PLA2G5: variants seen among roughly 807,000 people sequenced by gnomAD.
PLA2G5 encodes Ca2+-dependent phospholipase A2.
Under a neutral mutation model 15.9 loss-of-function variants are expected in PLA2G5, and 12 were observed. The ratio of observed to expected loss-of-function variants is 0.76; its 90% CI spans 0.48 to 1.23. The LOEUF (loss-of-function observed/expected upper bound fraction) is 1.23. Among genes scored for constraint, PLA2G5 ranks in the 50% most tolerant of loss-of-function variants. The pLI is 0.00. For synonymous variants in PLA2G5, 71 were observed against 71.4 expected (o/e 0.99, Z 0.03); for missense variants, 169 against 177.1 (o/e 0.95, Z 0.26).
At chr1:20,058,826 A>G (rs1000554661) in intron 1 of PLA2G5, among the ~76,000 whole-genome samples, 1 of 152,156 alleles carries the variant, frequency 6.6e-6, no homozygotes, top group African/African-American at 2.4e-5. Context: ...TAGCCAAGTG[A>G]GGAATGCCTT....
intron 1 of PLA2G5, among the ~76,000 whole-genome samples, chr1:20,030,066 C>T (rs543725162): frequency 2.6e-5 from 4 of 152,268 alleles, no homozygotes; most frequent in South Asian, 2.1e-4. Flanking sequence ...GGCTATTTCT[C>T]GTCAGGTGGG....
chr1:20,078,935 C>A (rs901458580), intron 1 of PLA2G5, among the ~76,000 whole-genome samples: 1 of 151,336 alleles, frequency 6.6e-6, no homozygotes, highest in Non-Finnish European at 1.5e-5. Context: ...GGTGGGACCC[C>A]GACTCTATAA....
intron 1 of PLA2G5, chr1:20,059,615 A>G (rs1293260437): frequency 6.6e-6 from 1 of 152,176 alleles, no homozygotes; most frequent in Non-Finnish European, 1.5e-5. Flanking sequence ...CTCAACATCT[A>G]TTTCATCTCC....
chr1:20,090,490 C>T, intron 4 of PLA2G5, 78 bp from the exon 5 acceptor site: 1 of 1,476,252 alleles, frequency 6.8e-7, no homozygotes, highest in Non-Finnish European at 9.5e-7. Context: ...CTCCTCGGAG[C>T]AGGAAGTCCA....
intron 2 of PLA2G5, 71 bp from the exon 3 acceptor site, chr1:20,086,012 A>G: frequency 6.6e-7 from 1 of 1,518,762 alleles, no homozygotes; most frequent in Non-Finnish European, 9.1e-7. Context: ...AGGGTAGGAG[A>G]TGTTGGGCAG....
intron 3 of PLA2G5, among the ~76,000 whole-genome samples, chr1:20,089,319 A>C (rs1462936099): frequency 1.3e-5 from 2 of 152,360 alleles, no homozygotes; most frequent in South Asian, 4.1e-4. Flanking sequence ...TTTCTGGATC[A>C]CATAACAGTT....
chr1:20,090,818 G>A lies in PLA2G5; in HGVS notation c.*126G>A. 2 of 1,012,534 alleles carry A rather than the reference G, an allele frequency of 2.0e-6. No homozygotes were observed. Among genetic ancestry groups the A allele is most frequent in the Admixed American group, 1.9e-5 (1 of 53,092 alleles). 62.7% of individuals were successfully genotyped at this position (1,012,534 alleles called of 1,614,324 possible). A position where few individuals can be genotyped will look rare whatever the true frequency, so the allele number is the denominator to read the frequency against. ...CAGACCTCAGTCTTTCTCGAAGCTT[G>A]GCGGACCCCCAGGGCCACACTGTAC... is the stretch of plus-strand genomic sequence containing the variant. On this transcript the variant is annotated 3_prime_UTR_variant, in exon 5 of 5. Coordinates refer to ENST00000375108, the MANE Select transcript of PLA2G5 (RefSeq NM_000929.3).
chr1:20,065,069 G>A lies in PLA2G5; in HGVS notation n.338-3804G>A, dbSNP rs900405468. On this transcript the variant is annotated intron_variant and non_coding_transcript_variant, in intron 2 of 6. Transcript: ENST00000460175. The stretch of plus-strand genomic sequence containing the variant: ...TGCTTGCATTGTAATGAGAATGCAC[G>A]CAATAACTTCAGGACATTTATGACA... Among the ~76,000 whole-genome samples the A allele has an allele frequency of 1.2e-4, 19 of 152,132 alleles. 1 individual carries two copies. Among genetic ancestry groups the A allele is most frequent in the South Asian group, 4.2e-4 (2 of 4,818 alleles).
intron 1 of PLA2G5, among the ~76,000 whole-genome samples, chr1:20,037,754 A>G (rs1252158972): frequency 6.6e-6 from 1 of 152,134 alleles, no homozygotes; most frequent in Non-Finnish European, 1.5e-5. Flanking sequence ...AGTTTGCCCT[A>G]AGGTTGCCTA....
chr1:20,069,225 A>G (rs1330775738), upstream of PLA2G5, among the ~76,000 whole-genome samples: 1 of 152,226 alleles, frequency 6.6e-6, no homozygotes, highest in East Asian at 1.9e-4. Context: ...GGTAACGTTG[A>G]AAATGTGCAT....
chr1:20,069,716 A>T (rs1236937110), upstream of PLA2G5, among the ~76,000 whole-genome samples: 2 of 144,792 alleles, frequency 1.4e-5, no homozygotes, highest in Admixed American at 7.0e-5. Flanking sequence ...AGAAAGAAAG[A>T]AACCAGATTA....
At chr1:20,029,707 G>C (rs907502493) in intron 1 of PLA2G5, among the ~76,000 whole-genome samples, 51 of 152,110 alleles carry the variant, frequency 3.4e-4, no homozygotes, top group African/African-American at 1.2e-3. Context: ...CAGCACTTAC[G>C]TATCAGTCCT....
At chr1:20,051,712 T>C (rs1458368741) in intron 1 of PLA2G5, among the ~76,000 whole-genome samples, 1 of 152,200 alleles carries the variant, frequency 6.6e-6, no homozygotes, top group Non-Finnish European at 1.5e-5. Flanking sequence ...TGGAATGGCA[T>C]GCTTTCCTTT....
At chr1:20,080,519 C>T (rs1224099611) in intron 1 of PLA2G5, among the ~76,000 whole-genome samples, 1 of 152,114 alleles carries the variant, frequency 6.6e-6, no homozygotes, top group Non-Finnish European at 1.5e-5. Flanking sequence ...GAGGCAGAGG[C>T]TGCAGTGATC....
chr1:20,088,470 C>CTT (rs57538971), intron 3 of PLA2G5, among the ~76,000 whole-genome samples: 103 of 141,990 alleles, frequency 7.3e-4, no homozygotes, highest in African/African-American at 2.3e-3. Context: ...TCAATTATGG[C>CTT]TTTTTTTTTT....
Position 20,090,714 on chromosome 1 carries a change from C to A in PLA2G5, c.*22C>A. The A allele has an allele frequency of 6.2e-7, 1 of 1,613,330 alleles. No individual in the cohort carries two copies. Among genetic ancestry groups the A allele is most frequent in the Non-Finnish European group, 8.5e-7 (1 of 1,179,288 alleles). ...CTAGGCCTCCCCAGCGAGCTCCTCC[C>A]AGACCAAGACTTTTGTTCTGTTTTT... On this transcript the variant is annotated 3_prime_UTR_variant, in exon 5 of 5. Coordinates refer to ENST00000375108, the MANE Select transcript of PLA2G5 (RefSeq NM_000929.3).
At chr1:20,066,366 A>G (rs1028759062), upstream of PLA2G5, among the ~76,000 whole-genome samples, 3 of 152,144 alleles carry the variant, frequency 2.0e-5, no homozygotes, top group Non-Finnish European at 4.4e-5. Context: ...TTAGTCTGTG[A>G]CTTTTGTATT....
At chr1:20,034,948 G>A (rs1193897668) in intron 1 of PLA2G5, among the ~76,000 whole-genome samples, 1 of 152,066 alleles carries the variant, frequency 6.6e-6, no homozygotes, top group African/African-American at 2.4e-5. Flanking sequence ...ACAGGTGTTG[G>A]ATGTGATGAG....
chr1:20,058,236 A>G (rs1454564244), intron 1 of PLA2G5, among the ~76,000 whole-genome samples: 1 of 152,148 alleles, frequency 6.6e-6, no homozygotes, highest in Non-Finnish European at 1.5e-5. Context: ...TATGTCTCCA[A>G]CTATAATAGT....
Sources: allele counts gnomAD v4.1 joint callset (sites outside exome capture counted in the v4.1 genomes callset), GRCh38; gene constraint gnomAD v4.1.1; transcripts MANE v1.5; gene names NCBI Gene and HGNC (gene_info 2026-07-23, HGNC 2026-07-21).